FILIP1: variants seen among roughly 807,000 people sequenced by gnomAD.
The protein encoded by FILIP1 is filamin A interacting protein 1, also known as filamin-A-interacting protein 1.
Under a neutral mutation model 102.1 loss-of-function variants are expected in FILIP1, and 61 were observed. That is an observed-to-expected ratio of 0.60 (90% CI 0.49 to 0.74). The LOEUF is 0.74. Among genes scored for constraint, FILIP1 ranks in the 30% least tolerant of loss-of-function variants. The probability of loss-of-function intolerance (pLI) is 0.00; values close to 1 mark genes in which losing one functional copy is unlikely to be tolerated. For missense variants in FILIP1, 1,314 were observed against 1,441.2 expected (o/e 0.91, Z 1.43); for synonymous variants, 491 against 526.9 (o/e 0.93, Z 0.93).
At chr6:75,327,510 G>A (rs1212998812) in intron 4 of FILIP1, among the ~76,000 whole-genome samples, 7 of 150,398 alleles carry the variant, frequency 4.7e-5, no homozygotes, top group Admixed American at 2.0e-4. Flanking sequence ...GGCAGGATCA[G>A]TATTTTAAGA....
chr6:75,383,180 T>A (rs1352423351), intron 2 of FILIP1, among the ~76,000 whole-genome samples: 1 of 152,156 alleles, frequency 6.6e-6, no homozygotes, highest in African/African-American at 2.4e-5. Flanking sequence ...TCAGGGCACT[T>A]GAGTCATTTC....
intron 1 of FILIP1, among the ~76,000 whole-genome samples, chr6:75,467,418 C>T (rs756278261): frequency 2.0e-5 from 3 of 152,182 alleles, no homozygotes; most frequent in Non-Finnish European, 4.4e-5. Context: ...TCCCTCCTGC[C>T]TCTCAGTTGC....
intron 1 of FILIP1, among the ~76,000 whole-genome samples, chr6:75,486,488 A>G (rs1213378418): frequency 6.6e-6 from 1 of 152,086 alleles, no homozygotes; most frequent in Non-Finnish European, 1.5e-5. Context: ...TTTTAATACT[A>G]TAGGGGCAGC....
chr6:75,369,575 A>G (rs777918813), intron 2 of FILIP1, among the ~76,000 whole-genome samples: 11 of 102,110 alleles, frequency 1.1e-4, no homozygotes, highest in Non-Finnish European at 1.5e-4. Flanking sequence ...TGGCTTTTCT[A>G]TCTTTGAAAG....
chr6:75,370,705 T>C (rs988111337), intron 2 of FILIP1, among the ~76,000 whole-genome samples: 3 of 151,300 alleles, frequency 2.0e-5, no homozygotes, highest in Admixed American at 6.6e-5. Context: ...GCCTCCCCAG[T>C]AGCTGGGATT....
chr6:75,315,143 GCATTTT>G lies in FILIP1; in HGVS notation c.683_688del (p.Glu228_Asn229del). The G allele has an allele frequency of 1.3e-6, 2 of 1,593,764 alleles. No homozygotes were observed. The highest frequency in any genetic ancestry group is 1.7e-6 in the Non-Finnish European group (2 of 1,173,248). ...ATCTCTTAGTTTATTGAGTCGTTTA[GCATTTT>G]CCTTTTCTTTGCGGGCTTGATAAGC... On this transcript the variant is annotated inframe_deletion, in exon 5 of 6. Coordinates refer to ENST00000237172, the MANE Select transcript of FILIP1 (RefSeq NM_015687.5).
chr6:75,381,786 G>A (rs1290692560), intron 2 of FILIP1, among the ~76,000 whole-genome samples: 3 of 152,228 alleles, frequency 2.0e-5, no homozygotes. Context: ...TTTTACTCTA[G>A]CATGGAGAAA....
chr6:75,415,150 G>C (rs1182516978), intron 1 of FILIP1, among the ~76,000 whole-genome samples, 172 bp from the exon 2 acceptor site: 1 of 152,024 alleles, frequency 6.6e-6, no homozygotes, highest in Non-Finnish European at 1.5e-5. Flanking sequence ...CAGAAAAAAT[G>C]AAAGTAAGAT....
intron 1 of FILIP1, among the ~76,000 whole-genome samples, chr6:75,440,288 A>G (rs1337783689): frequency 6.6e-6 from 1 of 152,210 alleles, no homozygotes; most frequent in East Asian, 1.9e-4. Context: ...TAAAATGCTC[A>G]ACTCCAAGTC....
At chr6:75,378,095 T>C (rs1431624205) in intron 2 of FILIP1, among the ~76,000 whole-genome samples, 1 of 152,234 alleles carries the variant, frequency 6.6e-6, no homozygotes, top group Non-Finnish European at 1.5e-5. Flanking sequence ...CATTACCTTA[T>C]TTTGTATGTT....
At chr6:75,490,816 C>A (rs1294957705) in intron 1 of FILIP1, among the ~76,000 whole-genome samples, 1 of 152,094 alleles carries the variant, frequency 6.6e-6, no homozygotes, top group African/African-American at 2.4e-5. Context: ...ACCATGAAGA[C>A]TTTCCTTGAG....
chr6:75,425,985 A>T (rs1169055354), intron 1 of FILIP1, among the ~76,000 whole-genome samples: 2 of 152,156 alleles, frequency 1.3e-5, no homozygotes, highest in African/African-American at 2.4e-5. Context: ...AGAGGCAGAC[A>T]TTAAATATTT....
chr6:75,314,054 A>G lies in FILIP1; in HGVS notation c.1778T>C (p.Val593Ala), dbSNP rs1399538360. The G allele has an allele frequency of 1.3e-6, 2 of 1,517,630 alleles. No homozygotes were observed. The highest frequency in any genetic ancestry group is 2.4e-5 in the Admixed American group (1 of 41,252). The allele number at this position is 1,517,630 out of a possible 1,614,324, so 94.0% of individuals were successfully genotyped here. The change falls in exon 5 of 6, where the codon GTT becomes GCT. Residue 593 changes from valine (V) to alanine (A), a missense_variant. By Grantham distance (64) the Val-to-Ala change is moderately conservative. This residue lies in a region of FILIP1 where 816 missense variants were observed against 913.1 expected (regional missense o/e 0.89). Coordinates refer to ENST00000237172, the MANE Select transcript of FILIP1 (RefSeq NM_015687.5). ...EEKSSELSCS[V>A]DLLKKRLDGI... is the part of the protein sequence containing the mutation. ...ATCAAGTCTCTTCTTTAGTAAGTCA[A>G]CACTGCAGCTTAATTCAGAGGATTT...
chr6:75,307,336 T>A (rs968049317), downstream of FILIP1, among the ~76,000 whole-genome samples: 8 of 152,328 alleles, frequency 5.3e-5, no homozygotes, highest in East Asian at 1.9e-4. Flanking sequence ...ATCTTTTTTT[T>A]AAAGAAGTAT....
chr6:75,349,207 C>T (rs1377581032), intron 4 of FILIP1, among the ~76,000 whole-genome samples: 2 of 152,192 alleles, frequency 1.3e-5, no homozygotes, highest in Admixed American at 1.3e-4. Flanking sequence ...TCAACAGCTA[C>T]TACTGATCCT....
chr6:75,312,255 A>T, intron 5 of FILIP1, 142 bp downstream of exon 5: 1 of 792,332 alleles, frequency 1.3e-6, no homozygotes. Context: ...CTCAGTGTGG[A>T]TGGTCCTCTG....
At chr6:75,379,960 T>C (rs1775856699) in intron 2 of FILIP1, among the ~76,000 whole-genome samples, 1 of 152,196 alleles carries the variant, frequency 6.6e-6, no homozygotes, top group African/African-American at 2.4e-5. Context: ...TCCTCTAGAA[T>C]GTAACTCCTT....
chr6:75,356,224 T>C (rs755477426), intron 3 of FILIP1, among the ~76,000 whole-genome samples: 1 of 152,236 alleles, frequency 6.6e-6, no homozygotes, highest in Non-Finnish European at 1.5e-5. Context: ...CCTTCAGTTA[T>C]AAGGAGGATT....
chr6:75,451,729 G>A (rs1002848220), intron 1 of FILIP1, among the ~76,000 whole-genome samples: 5 of 152,102 alleles, frequency 3.3e-5, no homozygotes, highest in African/African-American at 1.2e-4. Context: ...AGCTACTCGG[G>A]AGGGTGAGGC....
Sources: allele counts gnomAD v4.1 joint callset (sites outside exome capture counted in the v4.1 genomes callset), GRCh38; gene constraint gnomAD v4.1.1; regional missense constraint gnomAD v4.1.1; transcripts MANE v1.5; gene names NCBI Gene and HGNC (gene_info 2026-07-23, HGNC 2026-07-21).